Variants in SLC25A31 observed in about 807,000 individuals in gnomAD.
SLC25A31 encodes solute carrier family 25 member 31, also known as ADP/ATP translocase 4.
Under a neutral mutation model 36.2 loss-of-function variants are expected in SLC25A31, and 40 were observed. The observed-to-expected ratio is 1.10, with a 90% confidence interval of 0.86 to 1.44. The LOEUF (loss-of-function observed/expected upper bound fraction) is 1.44. Among genes scored for constraint, SLC25A31 ranks in the 40% most tolerant of loss-of-function variants. The pLI is 0.00. For synonymous variants in SLC25A31, 143 were observed against 149.7 expected (o/e 0.96, Z 0.32); for missense variants, 350 against 397.1 (o/e 0.88, Z 1.01).
At chr4:127,732,244 TC>T (rs1213228770) in intron 1 of SLC25A31, among the ~76,000 whole-genome samples, 3 of 152,164 alleles carry the variant, frequency 2.0e-5, no homozygotes, top group Non-Finnish European at 4.4e-5. Context: ...CCAGATACTG[TC>T]CCATTTAAAA....
intron 2 of SLC25A31, among the ~76,000 whole-genome samples, chr4:127,757,318 A>G (rs1198578178): frequency 6.6e-6 from 1 of 152,058 alleles, no homozygotes; most frequent in Non-Finnish European, 1.5e-5. Context: ...GCCAGTGTCT[A>G]TTGTTTCCAC....
chr4:127,752,182 G>A (rs1474756199), intron 2 of SLC25A31, among the ~76,000 whole-genome samples: 10 of 152,202 alleles, frequency 6.6e-5, no homozygotes, highest in East Asian at 1.9e-4. Flanking sequence ...ATGTCCATCA[G>A]TGATAGACTG....
At chr4:127,770,468 T>C (rs1212022228) in intron 5 of SLC25A31, among the ~76,000 whole-genome samples, 1 of 151,502 alleles carries the variant, frequency 6.6e-6, no homozygotes, top group East Asian at 1.9e-4. Context: ...CTACTAAAAA[T>C]ACAAAAAATT....
intron 2 of SLC25A31, among the ~76,000 whole-genome samples, chr4:127,762,365 C>T (rs1022751731): frequency 2.0e-5 from 3 of 151,990 alleles, no homozygotes; most frequent in African/African-American, 7.3e-5. Context: ...TATGAAATGT[C>T]CAGGATAAGC....
chr4:127,750,416 G>C (rs776839926), intron 2 of SLC25A31, among the ~76,000 whole-genome samples: 1 of 151,938 alleles, frequency 6.6e-6, no homozygotes, highest in Non-Finnish European at 1.5e-5. Context: ...ACTCATGATG[G>C]GATTATTTCC....
chr4:127,759,595 G>A (rs1488159024), intron 2 of SLC25A31, among the ~76,000 whole-genome samples: 1 of 152,108 alleles, frequency 6.6e-6, no homozygotes, highest in Non-Finnish European at 1.5e-5. Context: ...ACTTAGTATA[G>A]ACAAATTCAT....
At chr4:127,768,549 TA>T (rs1262612173) in intron 4 of SLC25A31, among the ~76,000 whole-genome samples, 2 of 152,188 alleles carry the variant, frequency 1.3e-5, no homozygotes, top group African/African-American at 4.8e-5. Flanking sequence ...ATATGCTTTA[TA>T]TTTTTGAAAT....
rs140782818 is a variant in SLC25A31 at position 127,751,138 on chromosome 4, A to G, written c.360+6339A>G. ...AAGTCAATCCTAAGCCAGAAGAACA[A>G]AGCTGGAGACATCACGCTACCTGAC... On this transcript the variant is annotated intron_variant, in intron 2 of 5. Transcript: ENST00000281154. Among the ~76,000 whole-genome samples the G allele has an allele frequency of 4.8e-3, 737 of 152,290 alleles. 7 individuals carry two copies. The highest frequency in any genetic ancestry group is 0.017 in the African/African-American group (703 of 41,558).
intron 2 of SLC25A31, among the ~76,000 whole-genome samples, chr4:127,745,266 T>C (rs2148756371): frequency 6.6e-6 from 1 of 151,818 alleles, no homozygotes; most frequent in East Asian, 1.9e-4. Flanking sequence ...AACTGGAAAA[T>C]GATAAATTTA....
intron 2 of SLC25A31, among the ~76,000 whole-genome samples, chr4:127,746,716 G>A (rs1731831236): frequency 6.6e-6 from 1 of 152,124 alleles, no homozygotes; most frequent in South Asian, 2.1e-4. Flanking sequence ...CTCCCATTCT[G>A]TAGGTTGTCT....
At chr4:127,763,581 C>T (rs951055068) in intron 2 of SLC25A31, among the ~76,000 whole-genome samples, 2 of 152,176 alleles carry the variant, frequency 1.3e-5, no homozygotes, top group Non-Finnish European at 2.9e-5. Context: ...AGTAATTATA[C>T]TTCTTCAATA....
chr4:127,758,083 G>A (rs1394943941), intron 2 of SLC25A31, among the ~76,000 whole-genome samples: 1 of 152,106 alleles, frequency 6.6e-6, no homozygotes, highest in Non-Finnish European at 1.5e-5. Context: ...GATCTCATGA[G>A]ACTTATTTAC....
At chr4:127,745,124 G>A (rs1560633373) in intron 2 of SLC25A31, among the ~76,000 whole-genome samples, 2 of 152,066 alleles carry the variant, frequency 1.3e-5, no homozygotes, top group Non-Finnish European at 1.5e-5. Context: ...TTTAAGCGCA[G>A]AAAGAAATCA....
rs538086384 is a variant in SLC25A31 at position 127,763,017 on chromosome 4, A to T, written c.361-1226A>T. 3.3e-5 allele frequency among the ~76,000 whole-genome samples: 5 copies of T among 152,180 alleles called. No homozygotes were observed. In the East Asian group the frequency reaches 9.6e-4, roughly 29 times the overall value. On this transcript the variant is annotated intron_variant, in intron 2 of 5. Coordinates refer to ENST00000281154, the MANE Select transcript of SLC25A31 (RefSeq NM_031291.4). ...TAGAAAATGGTTGTAAGTGATATTT[A>T]AAAAATAAGAGTCTGTGCAGTGAGT...
At chr4:127,737,732 TG>T (rs1369753709) in intron 1 of SLC25A31, among the ~76,000 whole-genome samples, 2 of 152,078 alleles carry the variant, frequency 1.3e-5, no homozygotes, top group African/African-American at 4.8e-5. Flanking sequence ...GTTTGGGGTT[TG>T]TTTTTTTTAG....
At chr4:127,753,777 A>G (rs1731979971) in intron 2 of SLC25A31, among the ~76,000 whole-genome samples, 1 of 152,144 alleles carries the variant, frequency 6.6e-6, no homozygotes, top group Non-Finnish European at 1.5e-5. Flanking sequence ...CTTCAAAAAA[A>G]TGGAAGAGAA....
intron 2 of SLC25A31, among the ~76,000 whole-genome samples, chr4:127,746,876 G>A (rs1195018072): frequency 6.6e-6 from 1 of 152,046 alleles, no homozygotes; most frequent in African/African-American, 2.4e-5. Flanking sequence ...ATATTGCCTG[G>A]GTTGTCTTCC....
At chr4:127,754,563 A>C (rs1246894599) in intron 2 of SLC25A31, among the ~76,000 whole-genome samples, 3 of 151,916 alleles carry the variant, frequency 2.0e-5, no homozygotes, top group Middle Eastern at 3.4e-3. Flanking sequence ...CAAAATGCTT[A>C]GTAAATTTAA....
chr4:127,760,558 A>G (rs1389173654), intron 2 of SLC25A31, among the ~76,000 whole-genome samples: 1 of 152,218 alleles, frequency 6.6e-6, no homozygotes, highest in Admixed American at 6.5e-5. Flanking sequence ...AGCTGCTCCC[A>G]GCTCTCTTCC....
Sources: gnomAD v4.1 joint callset for allele counts (sites outside exome capture counted in the v4.1 genomes callset) on GRCh38, gnomAD v4.1.1 for gene constraint, MANE v1.5 for transcripts, NCBI Gene and HGNC (gene_info 2026-07-23, HGNC 2026-07-21) for gene names.